Variants in NNT observed in about 807,000 individuals in gnomAD.
The protein encoded by NNT is NAD(P) transhydrogenase, mitochondrial.
NNT carries 50 observed loss-of-function variants against 104.8 expected under a neutral mutation model. The observed-to-expected ratio is 0.48, with a 90% confidence interval of 0.38 to 0.60. The LOEUF is 0.60. Among genes scored for constraint, NNT ranks in the 20% least tolerant of loss-of-function variants. NNT has a pLI of 0.00. For synonymous variants in NNT, 461 were observed against 490.4 expected (o/e 0.94, Z 0.79); for missense variants, 1,131 against 1,330.7 (o/e 0.85, Z 2.33).
chr5:43,688,561 C>T (rs1394620458), intron 19 of NNT, among the ~76,000 whole-genome samples: 1 of 151,950 alleles, frequency 6.6e-6, no homozygotes, highest in African/African-American at 2.4e-5. Flanking sequence ...TCCCTTGCCA[C>T]CCCCACCCTT....
intron 19 of NNT, among the ~76,000 whole-genome samples, chr5:43,681,663 G>C (rs576640929): frequency 6.6e-6 from 1 of 152,262 alleles, no homozygotes; most frequent in Non-Finnish European, 1.5e-5. Context: ...GCCTCCCAAA[G>C]TGCTGGGATT....
intron 1 of NNT, among the ~76,000 whole-genome samples, chr5:43,607,379 G>A (rs779409367): frequency 9.9e-5 from 15 of 152,058 alleles, no homozygotes; most frequent in Non-Finnish European, 1.5e-4. Context: ...TGAGTCTCAG[G>A]AGCTCCCCAC....
intron 17 of NNT, among the ~76,000 whole-genome samples, chr5:43,666,321 G>A (rs1350054487): frequency 1.3e-5 from 2 of 152,128 alleles, no homozygotes; most frequent in East Asian, 3.9e-4. Context: ...CTGAGTGAGC[G>A]AGACTCCGTC....
At chr5:43,650,843 T>A (rs6862691) in intron 12 of NNT, among the ~76,000 whole-genome samples, 7 of 152,222 alleles carry the variant, frequency 4.6e-5, no homozygotes, top group African/African-American at 1.7e-4. Flanking sequence ...AGTTATTGAA[T>A]GCATAGTTTT....
intron 20 of NNT, among the ~76,000 whole-genome samples, chr5:43,701,553 A>G (rs1242375878): frequency 2.6e-5 from 4 of 152,116 alleles, no homozygotes; most frequent in Non-Finnish European, 5.9e-5. Context: ...ATGCTAGTGA[A>G]TGTGTCTTTG....
chr5:43,665,094 T>C (rs1464662245), intron 17 of NNT, among the ~76,000 whole-genome samples: 1 of 152,160 alleles, frequency 6.6e-6, no homozygotes, highest in Non-Finnish European at 1.5e-5. Flanking sequence ...TTTATCCCTC[T>C]CCTCTGTCCC....
Position 43,619,086 on chromosome 5 carries a change from G to C in NNT, c.654G>C (p.Gln218His), listed in dbSNP as rs768741984. Reference sequence around the variant, plus strand: ...ATTTTGGACGTTTTTTTACTGGTCAGATCACAGCTGCTGGAAAAGTTCCTC... The same window carrying C: ...ATTTTGGACGTTTTTTTACTGGTCACATCACAGCTGCTGGAAAAGTTCCTC... The part of the protein sequence containing the change: ...ANHFGRFFTG[Q>H]ITAAGKVPPA... Residue 218 changes from glutamine to histidine, a missense_variant, in exon 5 of 22, where the codon CAG (glutamine) becomes CAC (histidine). Coordinates refer to ENST00000344920, the MANE Select transcript of NNT (RefSeq NM_182977.3). The C allele has an allele frequency of 3.2e-6, 5 of 1,554,320 alleles. No individual in the cohort carries two copies. The highest frequency in any genetic ancestry group is 1.8e-5 in the Admixed American group (1 of 56,538).
chr5:43,689,336 G>C (rs533362760), intron 19 of NNT, among the ~76,000 whole-genome samples: 1 of 152,302 alleles, frequency 6.6e-6, no homozygotes, highest in Middle Eastern at 3.4e-3. Context: ...TCTGTGGGTT[G>C]TCTGTGAATG....
chr5:43,691,078 T>A (rs1026278461), intron 19 of NNT, among the ~76,000 whole-genome samples: 241 of 141,626 alleles, frequency 1.7e-3, no homozygotes, highest in African/African-American at 5.7e-3. Context: ...AGAGTGTGTG[T>A]GTGTGTGTGT....
At chr5:43,667,493 C>T (rs1323743719) in intron 17 of NNT, among the ~76,000 whole-genome samples, 1 of 152,096 alleles carries the variant, frequency 6.6e-6, no homozygotes, top group Non-Finnish European at 1.5e-5. Flanking sequence ...GTTCAATTCC[C>T]ACCTATGAGT....
chr5:43,620,804 G>A lies in NNT; in HGVS notation c.687+1685G>A, dbSNP rs1041372861. The stretch of plus-strand genomic sequence containing the variant: ...TGGCATGCATAGTGGCCAGAAGTTC[G>A]ATGCTGTTCTTAAATTGACTGAATG... On this transcript the variant is annotated intron_variant, in intron 5 of 21. Coordinates refer to ENST00000344920, the MANE Select transcript of NNT (RefSeq NM_182977.3). Among the ~76,000 whole-genome samples the A allele has an allele frequency of 9.2e-5, 14 of 152,256 alleles. No homozygotes were observed. The East Asian group carries it at 1.5e-3, about 17-fold the overall frequency.
intron 10 of NNT, among the ~76,000 whole-genome samples, chr5:43,646,730 C>A (rs746245265): frequency 2.0e-5 from 3 of 152,054 alleles, no homozygotes; most frequent in Non-Finnish European, 2.9e-5. Flanking sequence ...ACAAGGGAAG[C>A]AAAGTTTGCC....
chr5:43,616,069 G>C lies in NNT; in HGVS notation c.599+4G>C, dbSNP rs1561264915. On this transcript the variant is annotated splice_donor_region_variant and intron_variant, in intron 4 of 21. Coordinates refer to ENST00000344920, the MANE Select transcript of NNT (RefSeq NM_182977.3). ...GCTCCATGGCCAACATTGCGGGGTAGGTTCTTTTCCATTTCAATTGAACAA... is the reference window on the plus strand; with the variant it reads ...GCTCCATGGCCAACATTGCGGGGTACGTTCTTTTCCATTTCAATTGAACAA... 6.2e-7 allele frequency: 1 copy of C among 1,610,026 alleles called. No homozygotes were observed. Among genetic ancestry groups the C allele is most frequent in the Non-Finnish European group, 8.5e-7 (1 of 1,178,256 alleles).
chr5:43,631,185 C>T (rs1750657735), intron 7 of NNT, among the ~76,000 whole-genome samples: 1 of 152,102 alleles, frequency 6.6e-6, no homozygotes, highest in South Asian at 2.1e-4. Context: ...ATGGGGGTTT[C>T]GGCAGGGCTC....
At chr5:43,662,117 C>G (rs1740401491) in intron 17 of NNT, among the ~76,000 whole-genome samples, 1 of 152,288 alleles carries the variant, frequency 6.6e-6, no homozygotes, top group African/African-American at 2.4e-5. Flanking sequence ...GGTAATTTCT[C>G]ATTTTATCCT....
intron 19 of NNT, among the ~76,000 whole-genome samples, chr5:43,694,762 G>T (rs778886015): frequency 6.6e-6 from 1 of 151,606 alleles, no homozygotes; most frequent in African/African-American, 2.4e-5. Flanking sequence ...GTGTGTGTGT[G>T]TGTGTGTGTG....
At chr5:43,608,407 G>C (rs1393468189) in intron 1 of NNT, among the ~76,000 whole-genome samples, 1 of 152,130 alleles carries the variant, frequency 6.6e-6, no homozygotes, top group Non-Finnish European at 1.5e-5. Context: ...GTGAGAACTC[G>C]CAAAAAGTGG....
chr5:43,656,257 T>A (rs1213361166), intron 15 of NNT, among the ~76,000 whole-genome samples, 184 bp downstream of exon 15: 1 of 152,050 alleles, frequency 6.6e-6, no homozygotes, highest in East Asian at 1.9e-4. Context: ...CTGGGCAACA[T>A]AGCGAGACCC....
intron 19 of NNT, among the ~76,000 whole-genome samples, chr5:43,686,367 GAAATTTGACTGTATCAAAAT>G (rs1741991295): frequency 6.6e-6 from 1 of 151,552 alleles, no homozygotes; most frequent in East Asian, 1.9e-4. Flanking sequence ...ATGGCCTTTT[GAAATTTGACTGTATCAAAAT>G]AAATGTGTAT....
Sources: allele counts gnomAD v4.1 joint callset (sites outside exome capture counted in the v4.1 genomes callset), GRCh38; gene constraint gnomAD v4.1.1; transcripts MANE v1.5; gene names NCBI Gene and HGNC (gene_info 2026-07-23, HGNC 2026-07-21).